PROS1: variants seen among roughly 807,000 people sequenced by gnomAD.
The protein encoded by PROS1 is vitamin K-dependent protein S.
In PROS1, 29 loss-of-function variants were observed where a neutral mutation model predicts 75.9. That is an observed-to-expected ratio of 0.38 (90% confidence interval 0.28 to 0.52). PROS1 has a LOEUF of 0.52. Among genes scored for constraint, PROS1 ranks in the 20% least tolerant of loss-of-function variants. The probability of loss-of-function intolerance (pLI) is 0.83; values close to 1 mark genes in which losing one functional copy is unlikely to be tolerated. For missense variants in PROS1, 680 were observed against 810.3 expected (o/e 0.84, Z 1.95); for synonymous variants, 245 against 280.6 (o/e 0.87, Z 1.27).
In PROS1 at chr3:93,886,322, G is replaced by A; in HGVS notation, c.1323+14C>T. 3 of 1,610,780 alleles carry A rather than the reference G, an allele frequency of 1.9e-6. No homozygotes were observed. The highest frequency in any genetic ancestry group is 2.5e-6 in the Non-Finnish European group (3 of 1,177,128). On this transcript the variant is annotated intron_variant, in intron 11 of 14. Coordinates refer to ENST00000394236, the MANE Select transcript of PROS1 (RefSeq NM_000313.4). Reference sequence around the variant, plus strand: ...AACTCATCCATGATGAATGATACAAGCTTGGATCATTACCGGTTTAATGAG... The same window carrying A: ...AACTCATCCATGATGAATGATACAAACTTGGATCATTACCGGTTTAATGAG...
In PROS1 at chr3:93,900,903, T is replaced by G; in HGVS notation, c.628A>C (p.Ser210Arg). The G allele has an allele frequency of 1.9e-6, 3 of 1,614,050 alleles. No individual in the cohort carries two copies. The highest frequency in any genetic ancestry group is 2.5e-6 in the Non-Finnish European group (3 of 1,179,984). Residue 210 changes from serine (S) to arginine (R), a missense_variant, in exon 7 of 15, where the codon AGC (serine) becomes CGC (arginine). By Grantham distance (110) the Ser-to-Arg change is moderately radical. Coordinates refer to ENST00000394236, the MANE Select transcript of PROS1 (RefSeq NM_000313.4). Reference sequence around the variant, plus strand: ...TTGCACACAGCTGTGCCACAAATGCTTGGCTTCAAAGAGCATTCATCCACA... The same window carrying G: ...TTGCACACAGCTGTGCCACAAATGCGTGGCTTCAAAGAGCATTCATCCACA... The part of the protein sequence containing the change: ...KDVDECSLKP[S>R]ICGTAVCKNI...
chr3:93,906,764 G>T (rs527419372), intron 4 of PROS1, among the ~76,000 whole-genome samples: 1 of 152,378 alleles, frequency 6.6e-6, no homozygotes, highest in East Asian at 1.9e-4. Context: ...GCTCAGAAGT[G>T]CCTGCTCTTG....
At chr3:93,969,148 A>T (rs1709837100) in intron 1 of PROS1, among the ~76,000 whole-genome samples, 3 of 133,468 alleles carry the variant, frequency 2.2e-5, no homozygotes, top group Admixed American at 7.9e-5. Flanking sequence ...TTTTGCATAT[A>T]AGATGTGTTG....
chr3:93,900,815 T>A lies in PROS1; in HGVS notation c.716A>T (p.Lys239Met), dbSNP rs1209234638. The A allele has an allele frequency of 1.1e-5, 17 of 1,613,104 alleles. No homozygotes were observed. Among genetic ancestry groups the A allele is most frequent in the Non-Finnish European group, 1.4e-5 (16 of 1,179,882 alleles). The change falls in exon 7 of 15, where the codon AAG becomes ATG. Residue 239 changes from lysine (K) to methionine (M), a missense_variant. By Grantham distance (95) the Lys-to-Met change is moderately conservative. Transcript: ENST00000394236. ...CACCATCATCCTACCTTCACAAGAC[T>A]TTGATTTGAGATTATATCTGTAGCC... ...PEGYRYNLKSKSCEDIDECSE... is the reference protein window; with the variant it reads ...PEGYRYNLKSMSCEDIDECSE...
chr3:93,939,091 T>A (rs142234100), intron 1 of PROS1, among the ~76,000 whole-genome samples: 185 of 152,252 alleles, frequency 1.2e-3, no homozygotes, highest in African/African-American at 4.2e-3. Flanking sequence ...TCACACCTGA[T>A]CTAAAACCTA....
At chr3:93,875,623 CCTCTATCT>C (rs1179821595) in intron 14 of PROS1, among the ~76,000 whole-genome samples, 3 of 120,032 alleles carry the variant, frequency 2.5e-5, no homozygotes, top group Non-Finnish European at 3.4e-5. Context: ...TCACTACTTA[CCTCTATCT>C]ATCTATCTAT....
chr3:93,933,314 C>A (rs1446804384), intron 1 of PROS1, among the ~76,000 whole-genome samples: 1 of 152,168 alleles, frequency 6.6e-6, no homozygotes, highest in African/African-American at 2.4e-5. Flanking sequence ...GTGGCTCGCA[C>A]ATGTAATCCC....
intron 1 of PROS1, among the ~76,000 whole-genome samples, chr3:93,943,881 T>C (rs1383883451): frequency 6.6e-6 from 1 of 152,214 alleles, no homozygotes; most frequent in Non-Finnish European, 1.5e-5. Context: ...CCCCTGCCCC[T>C]GTCCGCCAGA....
chr3:93,936,348 T>G (rs1709182864), intron 1 of PROS1, among the ~76,000 whole-genome samples: 1 of 152,128 alleles, frequency 6.6e-6, no homozygotes, highest in Non-Finnish European at 1.5e-5. Flanking sequence ...TTGCCCCAAA[T>G]CTGAGCACCA....
At chr3:93,911,078 T>G (rs909284497) in intron 3 of PROS1, 2 of 268,904 alleles carry the variant, frequency 7.4e-6, no homozygotes, top group African/African-American at 4.5e-5. Context: ...GAGTCTGATT[T>G]ATAAAGTATA....
Position 93,898,266 on chromosome 3 carries a change from T to A in PROS1, c.849+182A>T, listed in dbSNP as rs562578714. ...TTTTTTTAAACCCAGCCACTAATTA[T>A]CCCCAATGTTTATGACTTACATGAC... On this transcript the variant is annotated intron_variant, in intron 8 of 14. Transcript: ENST00000394236. 6.6e-5 allele frequency among the ~76,000 whole-genome samples: 10 copies of A among 152,160 alleles called. 1 individual carries two copies. In the East Asian group the frequency reaches 1.7e-3, roughly 26 times the overall value.
chr3:93,946,466 C>A (rs368489455), intron 1 of PROS1, among the ~76,000 whole-genome samples: 6 of 152,072 alleles, frequency 3.9e-5, no homozygotes, highest in African/African-American at 1.4e-4. Flanking sequence ...AGATATAGAC[C>A]AATGGAACAG....
At chr3:93,956,038 A>C (rs536907819) in intron 1 of PROS1, among the ~76,000 whole-genome samples, 2 of 152,224 alleles carry the variant, frequency 1.3e-5, no homozygotes, top group African/African-American at 2.4e-5. Context: ...AATAGACTGA[A>C]TTATAATCAG....
chr3:93,970,301 G>C (rs1386947244), intron 1 of PROS1, among the ~76,000 whole-genome samples: 4 of 152,132 alleles, frequency 2.6e-5, no homozygotes, highest in Non-Finnish European at 1.5e-5. Context: ...CATGCCTTAA[G>C]TGGGAAATGA....
chr3:93,956,631 C>T (rs1208848782), intron 1 of PROS1, among the ~76,000 whole-genome samples: 3 of 151,350 alleles, frequency 2.0e-5, no homozygotes, highest in African/African-American at 2.4e-5. Context: ...AGTGGATACA[C>T]AAGGGTACAT....
intron 12 of PROS1, among the ~76,000 whole-genome samples, chr3:93,880,862 A>G (rs1708267138): frequency 6.6e-6 from 1 of 152,220 alleles, no homozygotes; most frequent in African/African-American, 2.4e-5. Flanking sequence ...TTACCTTTTC[A>G]GGATTTTTTT....
chr3:93,943,017 C>A (rs377023020), intron 1 of PROS1, among the ~76,000 whole-genome samples: 1 of 152,180 alleles, frequency 6.6e-6, no homozygotes, highest in Non-Finnish European at 1.5e-5. Context: ...AAGTCCACTG[C>A]GGTCATTTCT....
chr3:93,886,679 TAAA>T (rs1333586016), intron 10 of PROS1, among the ~76,000 whole-genome samples, 176 bp from the exon 11 acceptor site: 2 of 152,190 alleles, frequency 1.3e-5, no homozygotes, highest in Non-Finnish European at 2.9e-5. Context: ...ATAAATGTGA[TAAA>T]AAGGCATTTA....
At chr3:93,932,855 G>A (rs950961961) in intron 1 of PROS1, among the ~76,000 whole-genome samples, 1 of 152,206 alleles carries the variant, frequency 6.6e-6, no homozygotes, top group Admixed American at 6.5e-5. Context: ...TCTGCAGGTT[G>A]TCCAAAACTG....
Sources: gnomAD v4.1 joint callset for allele counts (sites outside exome capture counted in the v4.1 genomes callset) on GRCh38, gnomAD v4.1.1 for gene constraint, MANE v1.5 for transcripts, NCBI Gene and HGNC (gene_info 2026-07-23, HGNC 2026-07-21) for gene names.